The following CCSER1 variants were observed in gnomAD, a reference collection of about 807,000 sequenced individuals.
The protein encoded by CCSER1 is coiled-coil serine rich protein 1.
A neutral mutation model predicts 82.0 loss-of-function variants in CCSER1; 41 were observed. The observed-to-expected ratio is 0.50, with a 90% CI of 0.39 to 0.65. The LOEUF (loss-of-function observed/expected upper bound fraction) is 0.65, where lower values mean the gene tolerates loss of function less well. Among genes scored for constraint, CCSER1 ranks in the 30% least tolerant of loss-of-function variants. The probability of loss-of-function intolerance (pLI) is 0.00; values close to 1 mark genes in which losing one functional copy is unlikely to be tolerated. For missense variants in CCSER1, 1,119 were observed against 1,064.2 expected (o/e 1.05, Z -0.72); for synonymous variants, 414 against 383.9 (o/e 1.08, Z -0.92).
intron 4 of CCSER1, among the ~76,000 whole-genome samples, chr4:90,464,204 C>A (rs1763324359): frequency 1.3e-5 from 2 of 152,146 alleles, no homozygotes; most frequent in South Asian, 4.1e-4. Flanking sequence ...CTGAGGTTTG[C>A]AGATTTCTGA....
chr4:90,749,756 G>A (rs1276561769), intron 7 of CCSER1, among the ~76,000 whole-genome samples: 1 of 152,040 alleles, frequency 6.6e-6, no homozygotes, highest in African/African-American at 2.4e-5. Flanking sequence ...AAACATACGT[G>A]TGCATGTGTC....
chr4:91,579,910 G>T (rs1374075177), intron 10 of CCSER1, among the ~76,000 whole-genome samples: 1 of 151,792 alleles, frequency 6.6e-6, no homozygotes, highest in East Asian at 1.9e-4. Flanking sequence ...TTCCTGAAAA[G>T]TCCTCATTTT....
At chr4:90,326,391 A>T (rs1341981271) in intron 3 of CCSER1, among the ~76,000 whole-genome samples, 1 of 152,000 alleles carries the variant, frequency 6.6e-6, no homozygotes, top group Non-Finnish European at 1.5e-5. Flanking sequence ...AGCCGTTTCT[A>T]AATTAGAGTA....
Position 91,358,333 on chromosome 4 carries a change from AT to A in CCSER1, c.2218-240226del, listed in dbSNP as rs367984620. Among the ~76,000 whole-genome samples the A allele has an allele frequency of 2.4e-3, 318 of 132,516 alleles. 1 individual carries two copies. The highest frequency in any genetic ancestry group is 6.6e-3 in the African/African-American group (230 of 34,772). 86.9% of individuals were successfully genotyped at this position (132,516 alleles called of 152,430 possible). ...CCAGGCTTCCTCAATTCTTTCTTGA[AT>A]TTTTTTTTTTTTAACATAGTTCCCA... On this transcript the variant is annotated intron_variant, in intron 10 of 10. Coordinates refer to ENST00000509176, the MANE Select transcript of CCSER1 (RefSeq NM_001145065.2).
intron 10 of CCSER1, among the ~76,000 whole-genome samples, chr4:91,171,881 G>C (rs575882522): frequency 6.6e-6 from 1 of 151,780 alleles, no homozygotes; most frequent in East Asian, 1.9e-4. Context: ...TGCTAATATT[G>C]TTTTTTATTA....
intron 10 of CCSER1, among the ~76,000 whole-genome samples, chr4:91,109,972 GTATAT>G (rs1561556254): frequency 1.3e-5 from 2 of 152,032 alleles, no homozygotes; most frequent in African/African-American, 4.8e-5. Flanking sequence ...AGGCAGGATA[GTATAT>G]TAAACTTTTT....
chr4:90,307,633 G>A (rs1260967911), intron 1 of CCSER1, among the ~76,000 whole-genome samples: 1 of 150,334 alleles, frequency 6.7e-6, no homozygotes, highest in Non-Finnish European at 1.5e-5. Flanking sequence ...ATGTACCTTA[G>A]AACTTAAAGC....
chr4:90,205,436 T>C (rs1386134143), intron 1 of CCSER1, among the ~76,000 whole-genome samples: 1 of 152,202 alleles, frequency 6.6e-6, no homozygotes, highest in Non-Finnish European at 1.5e-5. Flanking sequence ...GAAGGCCTTT[T>C]CTGCATCTAT....
chr4:91,251,067 TAG>T (rs899827952), intron 10 of CCSER1, among the ~76,000 whole-genome samples: 1 of 152,148 alleles, frequency 6.6e-6, no homozygotes, highest in African/African-American at 2.4e-5. Context: ...GTCCTCACTA[TAG>T]AGAGGAAGAA....
chr4:90,697,685 G>C (rs6848750), intron 6 of CCSER1, among the ~76,000 whole-genome samples: 34,636 of 152,004 alleles, frequency 0.23, 5,002 homozygotes, highest in African/African-American at 0.41. Flanking sequence ...TAATGATTCT[G>C]AATCCTATTG....
intron 1 of CCSER1, among the ~76,000 whole-genome samples, chr4:90,283,851 G>A (rs1378831385): frequency 6.6e-6 from 1 of 152,018 alleles, no homozygotes; most frequent in Non-Finnish European, 1.5e-5. Context: ...ACCCAGCAGT[G>A]GGATTGCTGG....
intron 8 of CCSER1, among the ~76,000 whole-genome samples, chr4:90,903,144 A>G (rs201325979): frequency 6.6e-6 from 1 of 152,060 alleles, no homozygotes; most frequent in Non-Finnish European, 1.5e-5. Context: ...AATCATATTG[A>G]TATGGTTTGG....
chr4:91,469,402 T>C (rs1364950318), intron 10 of CCSER1, among the ~76,000 whole-genome samples: 1 of 152,220 alleles, frequency 6.6e-6, no homozygotes, highest in Non-Finnish European at 1.5e-5. Context: ...TCCCTAATAA[T>C]GCTTTTAAGG....
At chr4:91,109,512 G>A (rs1250238355) in intron 10 of CCSER1, among the ~76,000 whole-genome samples, 2 of 152,064 alleles carry the variant, frequency 1.3e-5, no homozygotes, top group African/African-American at 2.4e-5. Flanking sequence ...TGTCAAAAGT[G>A]TAGAGAGATC....
At chr4:90,219,379 A>T (rs1741706405) in intron 1 of CCSER1, among the ~76,000 whole-genome samples, 1 of 152,188 alleles carries the variant, frequency 6.6e-6, no homozygotes, top group Admixed American at 6.5e-5. Context: ...TTTAGAATGG[A>T]CATCCAATTG....
chr4:90,999,878 GGT>G (rs1491421511), intron 9 of CCSER1, among the ~76,000 whole-genome samples: 3 of 46,388 alleles, frequency 6.5e-5, no homozygotes, highest in East Asian at 9.8e-4. Context: ...GTGTTTCTGA[GGT>G]TTTTTTTTTT....
intron 7 of CCSER1, among the ~76,000 whole-genome samples, chr4:90,754,610 C>T (rs572288515): frequency 3.9e-4 from 59 of 152,262 alleles, no homozygotes; most frequent in African/African-American, 1.3e-3. Context: ...TACCTTAATG[C>T]AACCCATTAC....
At chr4:90,299,741 A>G (rs1732731610) in intron 1 of CCSER1, among the ~76,000 whole-genome samples, 1 of 152,144 alleles carries the variant, frequency 6.6e-6, no homozygotes, top group Non-Finnish European at 1.5e-5. Context: ...AGATGTAGAT[A>G]GCATGGTCTT....
At chr4:91,079,490 T>C (rs1018147448) in intron 9 of CCSER1, among the ~76,000 whole-genome samples, 2 of 152,034 alleles carry the variant, frequency 1.3e-5, no homozygotes, top group African/African-American at 4.8e-5. Context: ...AGGCCATCAA[T>C]ACTAGGAAGA....
Sources: gnomAD v4.1 joint callset for allele counts (sites outside exome capture counted in the v4.1 genomes callset) on GRCh38, gnomAD v4.1.1 for gene constraint, MANE v1.5 for transcripts, NCBI Gene and HGNC (gene_info 2026-07-23, HGNC 2026-07-21) for gene names.